Variants in FAM107B observed in about 807,000 individuals in gnomAD.
FAM107B encodes protein FAM107B.
Under a neutral mutation model 31.5 loss-of-function variants are expected in FAM107B, and 21 were observed. The ratio of observed to expected loss-of-function variants is 0.67; its 90% confidence interval spans 0.47 to 0.96. FAM107B has a LOEUF of 0.96. Ranked by LOEUF, FAM107B falls within the 40% of genes least tolerant of loss-of-function variation. The pLI is 0.00. For synonymous variants in FAM107B, 157 were observed against 141.5 expected, an observed-to-expected ratio of 1.11 and a Z score of -0.78; for missense variants, 452 against 377.1, an observed-to-expected ratio of 1.20 and a Z score of -1.64.
intron 1 of FAM107B, among the ~76,000 whole-genome samples, chr10:14,687,590 A>G (rs1855020133): frequency 7.4e-6 from 1 of 135,512 alleles, no homozygotes; most frequent in African/African-American, 2.7e-5. Context: ...TCAAGTCTGC[A>G]TGGAGAACCC....
At chr10:14,543,849 T>C (rs1045246667) in intron 2 of FAM107B, among the ~76,000 whole-genome samples, 8 of 152,176 alleles carry the variant, frequency 5.3e-5, no homozygotes, top group Non-Finnish European at 7.3e-5. Context: ...AGAGTTTGGC[T>C]CACCTGCTGG....
chr10:14,698,575 A>T (rs1181313472), intron 1 of FAM107B, among the ~76,000 whole-genome samples: 1 of 152,228 alleles, frequency 6.6e-6, no homozygotes, highest in Non-Finnish European at 1.5e-5. Flanking sequence ...CTTGAGAAAC[A>T]TGCTGTCACA....
At chr10:14,682,720 A>G (rs1169939263) in intron 1 of FAM107B, among the ~76,000 whole-genome samples, 1 of 152,040 alleles carries the variant, frequency 6.6e-6, no homozygotes, top group Non-Finnish European at 1.5e-5. Context: ...GGAGGGGAAC[A>G]TCACACAGCA....
intron 2 of FAM107B, among the ~76,000 whole-genome samples, chr10:14,651,537 G>A (rs1853899430): frequency 6.6e-6 from 1 of 152,140 alleles, no homozygotes; most frequent in South Asian, 2.1e-4. Context: ...GGGAAGCAGA[G>A]GTTGCAGTGA....
At chr10:14,656,759 A>C (rs1433424884) in intron 2 of FAM107B, among the ~76,000 whole-genome samples, 1 of 152,262 alleles carries the variant, frequency 6.6e-6, no homozygotes, top group Non-Finnish European at 1.5e-5. Flanking sequence ...AAAGAAAGTG[A>C]AAGAGTGTAG....
chr10:14,720,760 G>T (rs1243409951), intron 1 of FAM107B, among the ~76,000 whole-genome samples: 3 of 152,056 alleles, frequency 2.0e-5, no homozygotes, highest in Non-Finnish European at 2.9e-5. Flanking sequence ...AGAGGACCTA[G>T]AATTCATTGA....
chr10:14,651,325 G>T (rs556175330), intron 2 of FAM107B, among the ~76,000 whole-genome samples: 7 of 152,310 alleles, frequency 4.6e-5, no homozygotes, highest in Admixed American at 3.3e-4. Flanking sequence ...TCCACACATG[G>T]CTGGGCGCAG....
chr10:14,539,635 T>C (rs565355131), intron 2 of FAM107B, among the ~76,000 whole-genome samples: 75 of 152,226 alleles, frequency 4.9e-4, no homozygotes, highest in African/African-American at 1.8e-3. Context: ...AAGAAGTCTC[T>C]AGATAGAAGA....
At chr10:14,652,192 A>G (rs572245300) in intron 2 of FAM107B, among the ~76,000 whole-genome samples, 20 of 152,098 alleles carry the variant, frequency 1.3e-4, no homozygotes, top group Non-Finnish European at 2.4e-4. Flanking sequence ...TCTATACTTC[A>G]TCTCAATCAA....
chr10:14,630,949 A>G (rs181158696), intron 2 of FAM107B, among the ~76,000 whole-genome samples: 10 of 152,318 alleles, frequency 6.6e-5, no homozygotes, highest in African/African-American at 2.4e-4. Flanking sequence ...ATGAATATAT[A>G]GGAATCTAGT....
At chr10:14,739,616 G>GATGA (rs111924452) in intron 1 of FAM107B, among the ~76,000 whole-genome samples, 15,224 of 151,968 alleles carry the variant, frequency 0.1, 1,675 homozygotes, top group African/African-American at 0.27. Context: ...AAGTGTTCAT[G>GATGA]ATGAATGAAT....
At chr10:14,760,603 T>C (rs1274202190) in intron 1 of FAM107B, among the ~76,000 whole-genome samples, 1 of 152,218 alleles carries the variant, frequency 6.6e-6, no homozygotes, top group African/African-American at 2.4e-5. Flanking sequence ...ATGTACGTTT[T>C]TTCACAATTT....
intron 1 of FAM107B, among the ~76,000 whole-genome samples, chr10:14,677,580 C>T (rs1417554034): frequency 1.3e-5 from 2 of 151,960 alleles, no homozygotes; most frequent in African/African-American, 4.8e-5. Flanking sequence ...GAGATGGCGC[C>T]ACTGCACTCC....
chr10:14,762,269 T>C (rs1325659563), intron 1 of FAM107B, among the ~76,000 whole-genome samples: 1 of 152,174 alleles, frequency 6.6e-6, no homozygotes, highest in Non-Finnish European at 1.5e-5. Flanking sequence ...CTTATTTTCC[T>C]ACTTGAAAGC....
chr10:14,624,334 G>A (rs181136047), intron 2 of FAM107B, among the ~76,000 whole-genome samples: 76 of 152,288 alleles, frequency 5.0e-4, no homozygotes, highest in African/African-American at 1.6e-3. Context: ...ACTGGGTCAC[G>A]GCTTTGTCTA....
chr10:14,726,798 CATGG>C (rs2131555594), intron 1 of FAM107B, among the ~76,000 whole-genome samples: 1 of 152,242 alleles, frequency 6.6e-6, no homozygotes, highest in South Asian at 2.1e-4. Flanking sequence ...GGGCCAGTTT[CATGG>C]AAGACAATTT....
intron 1 of FAM107B, among the ~76,000 whole-genome samples, chr10:14,714,005 A>G (rs938943268): frequency 2.6e-5 from 4 of 152,174 alleles, no homozygotes; most frequent in Non-Finnish European, 4.4e-5. Context: ...AGAGAAGGGA[A>G]AAAGAGATAC....
chr10:14,606,008 CT>C (rs1436498742), intron 2 of FAM107B, among the ~76,000 whole-genome samples: 1 of 152,222 alleles, frequency 6.6e-6, no homozygotes, highest in Non-Finnish European at 1.5e-5. Context: ...TTCCTCTCAA[CT>C]TTCTGGGGTG....
At chr10:14,735,952 A>G (rs1364529850) in intron 1 of FAM107B, among the ~76,000 whole-genome samples, 1 of 152,216 alleles carries the variant, frequency 6.6e-6, no homozygotes, top group Non-Finnish European at 1.5e-5. Flanking sequence ...TATTATTACA[A>G]GAAACCTAAG....
Sources: allele counts gnomAD v4.1 joint callset (sites outside exome capture counted in the v4.1 genomes callset), GRCh38; gene constraint gnomAD v4.1.1; transcripts MANE v1.5; gene names NCBI Gene and HGNC (gene_info 2026-07-23, HGNC 2026-07-21).